The following GRM8 variants were observed in gnomAD, a reference collection of about 807,000 sequenced individuals.
The protein encoded by GRM8 is glutamate metabotropic receptor 8, also known as metabotropic glutamate receptor 8.
In GRM8, 47 loss-of-function variants were observed where a neutral mutation model predicts 87.2. That is an observed-to-expected ratio of 0.54 (90% CI 0.43 to 0.69). GRM8 has a LOEUF of 0.69. Ranked by LOEUF, GRM8 falls within the 30% of genes least tolerant of loss-of-function variation. The pLI, the probability that GRM8 is intolerant of heterozygous loss-of-function variation, is 0.00. For missense variants in GRM8, 1,019 were observed against 1,139.2 expected, an observed-to-expected ratio of 0.89 and a Z score of 1.52; for synonymous variants, 396 against 404.5, an observed-to-expected ratio of 0.98 and a Z score of 0.25.
chr7:126,468,105 A>C (rs904728346), intron 9 of GRM8, among the ~76,000 whole-genome samples: 1 of 152,094 alleles, frequency 6.6e-6, no homozygotes, highest in Non-Finnish European at 1.5e-5. Context: ...TAAACCATGA[A>C]GCCCATAAAG....
At chr7:126,990,519 C>A (rs1812554098) in intron 3 of GRM8, among the ~76,000 whole-genome samples, 1 of 152,166 alleles carries the variant, frequency 6.6e-6, no homozygotes, top group Non-Finnish European at 1.5e-5. Context: ...GCAACTAAAC[C>A]TATGCAAACA....
intron 2 of GRM8, among the ~76,000 whole-genome samples, chr7:127,120,696 C>G (rs546721988): frequency 8.5e-5 from 13 of 152,286 alleles, no homozygotes; most frequent in African/African-American, 3.1e-4. Flanking sequence ...TTTTGTAGCT[C>G]TGGATGTTGT....
intron 6 of GRM8, among the ~76,000 whole-genome samples, chr7:126,867,823 G>A (rs1005614615): frequency 6.6e-6 from 1 of 152,066 alleles, no homozygotes; most frequent in African/African-American, 2.4e-5. Flanking sequence ...TTTGAACCAG[G>A]GCCAAGGTCT....
intron 3 of GRM8, among the ~76,000 whole-genome samples, chr7:127,042,764 A>G (rs1333010206): frequency 6.6e-6 from 1 of 152,318 alleles, no homozygotes; most frequent in South Asian, 2.1e-4. Context: ...TTGACAAATG[A>G]GATCTAATTA....
intron 3 of GRM8, among the ~76,000 whole-genome samples, chr7:127,051,453 G>A (rs1819461883): frequency 6.6e-6 from 1 of 152,034 alleles, no homozygotes; most frequent in Non-Finnish European, 1.5e-5. Flanking sequence ...GGCTGCCAGA[G>A]GCTTGCCCCA....
intron 2 of GRM8, chr7:127,228,652 A>G (rs1334537814): frequency 1.3e-5 from 2 of 152,216 alleles, no homozygotes; most frequent in Admixed American, 1.3e-4. Flanking sequence ...GAATTAGGAA[A>G]AATAATCACT....
At chr7:127,101,779 G>T (rs1053438194) in intron 3 of GRM8, among the ~76,000 whole-genome samples, 1 of 152,318 alleles carries the variant, frequency 6.6e-6, no homozygotes, top group African/African-American at 2.4e-5. Flanking sequence ...GTGGGGCATT[G>T]CTATAAAGAT....
At chr7:126,492,678 A>C (rs568437813) in intron 9 of GRM8, among the ~76,000 whole-genome samples, 10 of 152,180 alleles carry the variant, frequency 6.6e-5, no homozygotes, top group African/African-American at 2.4e-4. Flanking sequence ...GATTCAACCC[A>C]TATTTTGAAC....
chr7:126,797,695 GA>G (rs1822119295), intron 6 of GRM8, among the ~76,000 whole-genome samples: 1 of 152,046 alleles, frequency 6.6e-6, no homozygotes, highest in Non-Finnish European at 1.5e-5. Context: ...ACTTTAGGGG[GA>G]GAGTGTTGAA....
chr7:126,780,576 G>A (rs1443013363), intron 6 of GRM8, among the ~76,000 whole-genome samples: 1 of 152,146 alleles, frequency 6.6e-6, no homozygotes, highest in Non-Finnish European at 1.5e-5. Flanking sequence ...AGATAAATGG[G>A]AGTGAATTAG....
chr7:126,794,766 C>G (rs899791786), intron 6 of GRM8, among the ~76,000 whole-genome samples: 2 of 152,116 alleles, frequency 1.3e-5, no homozygotes, highest in Admixed American at 6.6e-5. Context: ...TGCTTGTTAA[C>G]GTTCTGTAAC....
intron 8 of GRM8, among the ~76,000 whole-genome samples, chr7:126,547,142 A>C (rs1817243623): frequency 6.6e-6 from 1 of 152,208 alleles, no homozygotes; most frequent in Admixed American, 6.5e-5. Context: ...TTTTCAATGA[A>C]GTTCTCTGTC....
chr7:126,845,847 C>A (rs1308261527), intron 6 of GRM8, among the ~76,000 whole-genome samples: 1 of 151,680 alleles, frequency 6.6e-6, no homozygotes, highest in Middle Eastern at 3.2e-3. Context: ...GATATCATGT[C>A]AGGGAAGGTA....
At chr7:126,850,107 A>G (rs1212744115) in intron 6 of GRM8, among the ~76,000 whole-genome samples, 5 of 152,084 alleles carry the variant, frequency 3.3e-5, no homozygotes, top group Admixed American at 6.6e-5. Context: ...CTGAATCTAC[A>G]TCAATCATAA....
chr7:127,117,829 C>A (rs991398273), intron 2 of GRM8, among the ~76,000 whole-genome samples: 3 of 152,152 alleles, frequency 2.0e-5, no homozygotes, highest in Non-Finnish European at 4.4e-5. Flanking sequence ...CATGTCAGCA[C>A]TAGAACATTA....
At chr7:127,011,105 G>A (rs1814849040) in intron 3 of GRM8, among the ~76,000 whole-genome samples, 1 of 151,948 alleles carries the variant, frequency 6.6e-6, no homozygotes, top group Non-Finnish European at 1.5e-5. Flanking sequence ...TCAGTCTGTG[G>A]TAATATTTAG....
At chr7:126,920,813 A>G (rs1335516753) in intron 3 of GRM8, among the ~76,000 whole-genome samples, 1 of 152,010 alleles carries the variant, frequency 6.6e-6, no homozygotes, top group African/African-American at 2.4e-5. Context: ...GCAGTAGCCT[A>G]ACTTATCTCC....
chr7:126,816,835 C>A (rs1426984542), intron 6 of GRM8, among the ~76,000 whole-genome samples: 1 of 151,358 alleles, frequency 6.6e-6, no homozygotes, highest in Middle Eastern at 3.2e-3. Flanking sequence ...TCAATGGATT[C>A]ATCACCCAGT....
intron 6 of GRM8, among the ~76,000 whole-genome samples, chr7:126,837,046 C>T (rs1795875776): frequency 7.3e-6 from 1 of 137,840 alleles, no homozygotes; most frequent in Admixed American, 7.5e-5. Flanking sequence ...TTGGAAAGCA[C>T]CACTCAGATT....
Sources: gnomAD v4.1 joint callset for allele counts (sites outside exome capture counted in the v4.1 genomes callset) on GRCh38, gnomAD v4.1.1 for gene constraint, MANE v1.5 for transcripts, NCBI Gene and HGNC (gene_info 2026-07-23, HGNC 2026-07-21) for gene names.